The following FRMD4A variants were observed in gnomAD, a reference collection of about 807,000 sequenced individuals.
FRMD4A encodes FERM domain-containing protein 4A.
Under a neutral mutation model 129.1 loss-of-function variants are expected in FRMD4A, and 29 were observed. That is an observed-to-expected ratio of 0.22 (90% CI 0.17 to 0.31). The LOEUF is 0.31. Ranked by LOEUF, FRMD4A falls within the 10% of genes least tolerant of loss-of-function variation. The pLI is 1.00. For synonymous variants in FRMD4A, 634 were observed against 571.6 expected (o/e 1.11, Z -1.56); for missense variants, 1,272 against 1,375.8 (o/e 0.92, Z 1.19).
chr10:14,176,185 C>A (rs1203153742), intron 2 of FRMD4A, among the ~76,000 whole-genome samples: 3 of 152,190 alleles, frequency 2.0e-5, no homozygotes, highest in Non-Finnish European at 4.4e-5. Context: ...ATAGGGTAGA[C>A]AAAGTCCTTG....
In FRMD4A at chr10:14,163,474, G is replaced by C. The variant is rs541575513; in HGVS notation, c.45+166584C>G. On this transcript the variant is annotated intron_variant, in intron 2 of 24. Coordinates refer to ENST00000357447, the MANE Select transcript of FRMD4A (RefSeq NM_018027.5). ...AAAAAATCATCTGCTTCTAGCTTCC[G>C]GAGAGCTTGTGTTCCCATTTGTTTT... Among the ~76,000 whole-genome samples the C allele has an allele frequency of 3.9e-5, 6 of 152,294 alleles. No individual in the cohort carries two copies. In the South Asian group the frequency reaches 1.2e-3, roughly 32 times the overall value.
chr10:14,141,407 C>A (rs1264812745), intron 2 of FRMD4A, among the ~76,000 whole-genome samples: 2 of 152,184 alleles, frequency 1.3e-5, no homozygotes, highest in African/African-American at 4.8e-5. Flanking sequence ...TGCACTCTCA[C>A]CTCCTGTGAT....
At chr10:14,206,428 G>A (rs1842782581) in intron 2 of FRMD4A, among the ~76,000 whole-genome samples, 1 of 152,092 alleles carries the variant, frequency 6.6e-6, no homozygotes, top group African/African-American at 2.4e-5. Context: ...TCTGTCCTGT[G>A]GTTCCTTTTA....
intron 5 of FRMD4A, among the ~76,000 whole-genome samples, chr10:13,792,592 G>A (rs1303479305): frequency 1.3e-5 from 2 of 152,078 alleles, no homozygotes; most frequent in South Asian, 2.1e-4. Flanking sequence ...TTTTTAATTC[G>A]GAATAATCAG....
chr10:13,861,265 T>C (rs2094290905), intron 2 of FRMD4A, among the ~76,000 whole-genome samples: 2 of 152,122 alleles, frequency 1.3e-5, no homozygotes, highest in Admixed American at 6.6e-5. Flanking sequence ...ATTAAACAAA[T>C]AACAAGAAAA....
At position 13,646,485 on chromosome 10, in the gene FRMD4A, C is replaced by T. The variant is rs2081124215; in HGVS notation, c.*553G>A. The T allele has an allele frequency of 1.3e-5, 2 of 152,412 alleles. No individual in the cohort carries two copies. The highest frequency in any genetic ancestry group is 1.9e-4 in the East Asian group (1 of 5,186). The allele number at this position is 152,412 out of a possible 1,614,324, so 9.4% of individuals were successfully genotyped here. A position where few individuals can be genotyped will look rare whatever the true frequency, so the allele number is the denominator to read the frequency against. ...GGTGTAAACTGAATATGCCACGAGG[C>T]CTCCTCTTCATGAAGTGCTTGGTTG... is the stretch of plus-strand genomic sequence containing the variant. On this transcript the variant is annotated 3_prime_UTR_variant, in exon 25 of 25. Coordinates refer to ENST00000357447, the MANE Select transcript of FRMD4A (RefSeq NM_018027.5).
intron 2 of FRMD4A, among the ~76,000 whole-genome samples, chr10:14,127,944 TTC>T (rs1838949832): frequency 6.5e-5 from 1 of 15,276 alleles, no homozygotes; most frequent in African/African-American, 4.3e-4. Context: ...CTTTCTTTCT[TTC>T]TTTCTTTCTT....
In FRMD4A at chr10:13,853,956, G is replaced by T. The variant is rs28721302; in HGVS notation, c.111+4891C>A. On this transcript the variant is annotated intron_variant, in intron 3 of 24. Coordinates refer to ENST00000357447, the MANE Select transcript of FRMD4A (RefSeq NM_018027.5). ...TGTCTAGCAGTAGAAGGTCAGGTCG[G>T]TTTTTCTGGCACTGGGCAGGCTCCC... 2.8e-3 allele frequency among the ~76,000 whole-genome samples: 419 copies of T among 152,148 alleles called. 2 individuals carry two copies. The highest frequency in any genetic ancestry group is 9.1e-3 in the African/African-American group (378 of 41,502).
intron 12 of FRMD4A, 189 bp from the exon 13 acceptor site, chr10:13,707,302 A>C: frequency 9.6e-7 from 1 of 1,040,174 alleles, no homozygotes; most frequent in Non-Finnish European, 1.3e-6. Context: ...CTCCAGTTCA[A>C]AACCAGGCAA....
chr10:13,773,438 C>T (rs1010955747), intron 6 of FRMD4A, among the ~76,000 whole-genome samples: 6 of 152,194 alleles, frequency 3.9e-5, no homozygotes, highest in Admixed American at 3.9e-4. Flanking sequence ...ACTCACGCCA[C>T]CTAACCTCAA....
intron 2 of FRMD4A, among the ~76,000 whole-genome samples, chr10:14,208,934 C>A (rs939834186): frequency 5.3e-5 from 8 of 152,220 alleles, no homozygotes; most frequent in African/African-American, 1.9e-4. Flanking sequence ...CAGTATTTAA[C>A]AGGAACCTCT....
chr10:13,861,215 G>T (rs2094290104), intron 2 of FRMD4A, among the ~76,000 whole-genome samples: 1 of 152,132 alleles, frequency 6.6e-6, no homozygotes, highest in Admixed American at 6.5e-5. Flanking sequence ...AACTCATATG[G>T]TGAAGCCCTA....
At chr10:14,295,441 G>A (rs531482570) in intron 2 of FRMD4A, among the ~76,000 whole-genome samples, 124 of 152,322 alleles carry the variant, frequency 8.1e-4, no homozygotes, top group Middle Eastern at 3.4e-3. Flanking sequence ...GAGAGATGTT[G>A]TAGTCACCCT....
chr10:14,008,014 T>C (rs184117677), intron 2 of FRMD4A: 70 of 1,290,548 alleles, frequency 5.4e-5, no homozygotes, highest in Non-Finnish European at 6.8e-5. Context: ...AACATCTTCC[T>C]GTCTTTGGAG....
In FRMD4A at chr10:13,707,640, T is replaced by A. The variant is rs187570027; in HGVS notation, c.760-527A>T. The A allele has an allele frequency of 3.0e-6, 3 of 988,316 alleles. No homozygotes were observed. The Admixed American group carries it at 1.8e-4, about 58-fold the overall frequency. 61.2% of individuals were successfully genotyped at this position (988,316 alleles called of 1,614,324 possible). ...AGCCTCCCATCGGGACTCCACTTCC[T>A]GCTCACTAATGTGTAAGAGCCTTGC... On this transcript the variant is annotated intron_variant, in intron 12 of 24. Transcript: ENST00000357447.
At chr10:13,987,713 G>T (rs777162727) in intron 2 of FRMD4A, among the ~76,000 whole-genome samples, 2 of 152,150 alleles carry the variant, frequency 1.3e-5, no homozygotes, top group Non-Finnish European at 2.9e-5. Flanking sequence ...GGAAACTGCA[G>T]GGGACACACT....
chr10:13,986,165 GC>G (rs1190542685), intron 2 of FRMD4A, among the ~76,000 whole-genome samples: 10 of 152,150 alleles, frequency 6.6e-5, no homozygotes, highest in Non-Finnish European at 1.5e-4. Context: ...AGCCCTGGCT[GC>G]CCATGGGGGT....
intron 2 of FRMD4A, among the ~76,000 whole-genome samples, chr10:13,881,224 C>T (rs2077350): frequency 4.1e-5 from 6 of 146,562 alleles, no homozygotes; most frequent in Non-Finnish European, 7.4e-5. Flanking sequence ...CAAGACCAGC[C>T]AAGGCAATCT....
In FRMD4A at chr10:14,000,511, G is replaced by A. The variant is rs2926871; in HGVS notation, c.46-141599C>T. ...AAAATACAAAAATTAGCCAGGCATG[G>A]TGATGGATGCCTTTATTGTCAGCCA... On this transcript the variant is annotated intron_variant, in intron 2 of 24. Coordinates refer to ENST00000357447, the MANE Select transcript of FRMD4A (RefSeq NM_018027.5). Among the ~76,000 whole-genome samples the A allele has an allele frequency of 4.2e-3, 637 of 151,864 alleles. 3 individuals are homozygous for A. Among genetic ancestry groups the A allele is most frequent in the African/African-American group, 0.015 (619 of 41,396 alleles).
Sources: gnomAD v4.1 joint callset for allele counts (sites outside exome capture counted in the v4.1 genomes callset) on GRCh38, gnomAD v4.1.1 for gene constraint, MANE v1.5 for transcripts, NCBI Gene and HGNC (gene_info 2026-07-23, HGNC 2026-07-21) for gene names.